NELL1: variants seen among roughly 807,000 people sequenced by gnomAD.
The protein encoded by NELL1 is neural EGFL like 1, also known as protein kinase C-binding protein NELL1.
A neutral mutation model predicts 107.4 loss-of-function variants in NELL1; 76 were observed. The observed-to-expected ratio is 0.71, with a 90% CI of 0.59 to 0.86. The LOEUF (loss-of-function observed/expected upper bound fraction) is 0.86. NELL1 is among the 40% of genes least tolerant of loss of function. The pLI, the probability that NELL1 is intolerant of heterozygous loss-of-function variation, is 0.00. For missense variants in NELL1, 1,024 were observed against 1,005.5 expected (o/e 1.02, Z -0.25); for synonymous variants, 353 against 341.2 (o/e 1.03, Z -0.38).
chr11:21,231,182 T>A (rs1858039887), intron 14 of NELL1, among the ~76,000 whole-genome samples: 1 of 152,092 alleles, frequency 6.6e-6, no homozygotes, highest in East Asian at 1.9e-4. Flanking sequence ...AAATTCAAGT[T>A]CAGAACAATA....
intron 5 of NELL1, among the ~76,000 whole-genome samples, chr11:20,899,127 T>C (rs896122789): frequency 6.6e-6 from 1 of 152,076 alleles, no homozygotes; most frequent in Admixed American, 6.6e-5. Flanking sequence ...GATTTAAACA[T>C]ACTTAACAAG....
At chr11:21,289,212 C>T (rs1434108123) in intron 14 of NELL1, among the ~76,000 whole-genome samples, 1 of 152,198 alleles carries the variant, frequency 6.6e-6, no homozygotes, top group Non-Finnish European at 1.5e-5. Flanking sequence ...GTATTTAAAA[C>T]TCTTGGGCAA....
chr11:21,035,072 A>G (rs1853055175), intron 12 of NELL1, among the ~76,000 whole-genome samples: 1 of 152,156 alleles, frequency 6.6e-6, no homozygotes, highest in Admixed American at 6.5e-5. Context: ...CTGACCCCAC[A>G]GAACTACAAA....
At chr11:21,542,497 T>C (rs1856315330) in intron 16 of NELL1, among the ~76,000 whole-genome samples, 1 of 152,076 alleles carries the variant, frequency 6.6e-6, no homozygotes, top group Non-Finnish European at 1.5e-5. Context: ...GGACTTATTT[T>C]ATTCACTGGA....
chr11:21,460,760 A>G (rs558729086), intron 15 of NELL1, among the ~76,000 whole-genome samples: 1 of 152,244 alleles, frequency 6.6e-6, no homozygotes, highest in South Asian at 2.1e-4. Context: ...CCAATAACTT[A>G]GTAAGGCCAT....
intron 7 of NELL1, 85 bp downstream of exon 7, chr11:20,919,419 T>C (rs1041281450): frequency 1.8e-5 from 15 of 825,684 alleles, no homozygotes; most frequent in Non-Finnish European, 3.0e-5. Flanking sequence ...AATGGAAACA[T>C]TTTTAGCCTC....
chr11:21,462,693 A>G (rs1853928403), intron 15 of NELL1, among the ~76,000 whole-genome samples: 2 of 152,030 alleles, frequency 1.3e-5, no homozygotes, highest in South Asian at 2.1e-4. Flanking sequence ...CAGCTCCAGG[A>G]TATGGGTTTC....
intron 15 of NELL1, among the ~76,000 whole-genome samples, chr11:21,390,995 G>T (rs1038161030): frequency 6.6e-6 from 1 of 151,228 alleles, no homozygotes; most frequent in East Asian, 2.0e-4. Context: ...TCCTTTTCTG[G>T]ATTATACCCC....
intron 2 of NELL1, among the ~76,000 whole-genome samples, chr11:20,771,183 C>A (rs1856632887): frequency 6.6e-6 from 1 of 152,056 alleles, no homozygotes. Flanking sequence ...CCAATAAAGC[C>A]AACTTTACTT....
At chr11:21,367,522 C>T (rs189090441) in intron 14 of NELL1, among the ~76,000 whole-genome samples, 1 of 152,104 alleles carries the variant, frequency 6.6e-6, no homozygotes, top group African/African-American at 2.4e-5. Context: ...GGATCTTTGC[C>T]GTCTTACTGC....
intron 8 of NELL1, 135 bp downstream of exon 8, chr11:20,927,577 C>A: frequency 2.8e-6 from 2 of 719,766 alleles, no homozygotes; most frequent in Non-Finnish European, 4.4e-6. Flanking sequence ...ACCCACTAGC[C>A]ATACGAGCAA....
At chr11:20,947,088 C>A (rs1850977623) in intron 10 of NELL1, among the ~76,000 whole-genome samples, 1 of 152,116 alleles carries the variant, frequency 6.6e-6, no homozygotes, top group African/African-American at 2.4e-5. Context: ...TAGAATCCTT[C>A]TGCTCCATAG....
intron 12 of NELL1, among the ~76,000 whole-genome samples, chr11:21,075,251 T>C (rs2134385429): frequency 6.6e-6 from 1 of 152,274 alleles, no homozygotes; most frequent in South Asian, 2.1e-4. Context: ...TTAAAGACAA[T>C]CTGTGTTGTG....
intron 2 of NELL1, among the ~76,000 whole-genome samples, chr11:20,738,412 G>T (rs1284712306): frequency 6.6e-6 from 1 of 152,192 alleles, no homozygotes; most frequent in African/African-American, 2.4e-5. Flanking sequence ...AGGGAGTGCA[G>T]ATGATGGGGA....
chr11:21,209,834 A>C (rs1317248070), intron 13 of NELL1, among the ~76,000 whole-genome samples: 1 of 152,194 alleles, frequency 6.6e-6, no homozygotes, highest in Non-Finnish European at 1.5e-5. Context: ...TGCAATGGTC[A>C]TGTAGAATGT....
intron 14 of NELL1, among the ~76,000 whole-genome samples, chr11:21,272,961 A>G (rs1044148296): frequency 1.3e-5 from 2 of 152,232 alleles, no homozygotes; most frequent in Non-Finnish European, 2.9e-5. Context: ...GAAAAAACAG[A>G]GCAGAAAAAC....
chr11:20,749,613 A>G (rs897129963), intron 2 of NELL1, among the ~76,000 whole-genome samples: 2 of 152,094 alleles, frequency 1.3e-5, no homozygotes. Context: ...AAATAACTAA[A>G]TAAAATAACA....
chr11:20,916,466 T>C (rs1222585827), intron 5 of NELL1, among the ~76,000 whole-genome samples: 12 of 151,994 alleles, frequency 7.9e-5, no homozygotes, highest in Non-Finnish European at 1.8e-4. Flanking sequence ...GTTTTCAGTT[T>C]GGTTTTGGAA....
chr11:20,760,404 A>C (rs1231856745), intron 2 of NELL1, among the ~76,000 whole-genome samples: 1 of 152,166 alleles, frequency 6.6e-6, no homozygotes, highest in East Asian at 1.9e-4. Flanking sequence ...CCAGCTTTAG[A>C]GTTGTGAAAG....
Sources: gnomAD v4.1 joint callset for allele counts (sites outside exome capture counted in the v4.1 genomes callset) on GRCh38, gnomAD v4.1.1 for gene constraint, MANE v1.5 for transcripts, NCBI Gene and HGNC (gene_info 2026-07-23, HGNC 2026-07-21) for gene names.